ACAP2: variants seen among roughly 807,000 people sequenced by gnomAD.
The protein encoded by ACAP2 is ArfGAP with coiled-coil, ankyrin repeat and PH domains 2.
A neutral mutation model predicts 115.8 loss-of-function variants in ACAP2; 39 were observed. That is an observed-to-expected ratio of 0.34 (90% confidence interval 0.26 to 0.44). The LOEUF (loss-of-function observed/expected upper bound fraction) is 0.44. Ranked by LOEUF, ACAP2 falls within the 20% of genes least tolerant of loss-of-function variation. ACAP2 has a pLI of 1.00. For synonymous variants in ACAP2, 289 were observed against 315.8 expected (o/e 0.92, Z 0.90); for missense variants, 662 against 927.6 (o/e 0.71, Z 3.72).
At chr3:195,409,089 G>A (rs756480899) in intron 1 of ACAP2, among the ~76,000 whole-genome samples, 47 of 146,262 alleles carry the variant, frequency 3.2e-4, no homozygotes, top group Admixed American at 6.1e-4. Flanking sequence ...AGTCAGAGTC[G>A]CTAGGCAAGA....
At chr3:195,437,907 A>G (rs976475628) in intron 1 of ACAP2, among the ~76,000 whole-genome samples, 1 of 57,662 alleles carries the variant, frequency 1.7e-5, no homozygotes, top group Non-Finnish European at 3.2e-5. Flanking sequence ...TTTTTTTTTC[A>G]TTAAAATTAG....
chr3:195,396,839 T>G (rs1403645797), intron 1 of ACAP2, among the ~76,000 whole-genome samples: 1 of 150,152 alleles, frequency 6.7e-6, no homozygotes, highest in Non-Finnish European at 1.5e-5. Flanking sequence ...AATAATTATT[T>G]TTCCCATCCA....
At chr3:195,400,129 G>C (rs963630478) in intron 1 of ACAP2, among the ~76,000 whole-genome samples, 1 of 151,346 alleles carries the variant, frequency 6.6e-6, no homozygotes, top group Non-Finnish European at 1.5e-5. Context: ...GGTGAGCCAA[G>C]ATCGCACCAT....
intron 1 of ACAP2, among the ~76,000 whole-genome samples, chr3:195,440,222 G>A (rs1461961157): frequency 6.6e-6 from 1 of 151,816 alleles, no homozygotes; most frequent in Non-Finnish European, 1.5e-5. Flanking sequence ...ATTATACAAC[G>A]AAATGTGCCC....
At chr3:195,301,869 T>TCCCC in intron 14 of ACAP2, 97 bp downstream of exon 14, 1 of 1,381,630 alleles carries the variant, frequency 7.2e-7, no homozygotes, top group Non-Finnish European at 1.0e-6. Context: ...GGTGATTAAA[T>TCCCC]TAGGGAAGTG....
intron 1 of ACAP2, among the ~76,000 whole-genome samples, chr3:195,434,272 A>G (rs1214362758): frequency 2.0e-5 from 3 of 151,596 alleles, no homozygotes; most frequent in Non-Finnish European, 2.9e-5. Context: ...TTGCTCTGTC[A>G]CCCAGGCTGG....
At chr3:195,420,158 A>G (rs1714061040) in intron 1 of ACAP2, among the ~76,000 whole-genome samples, 1 of 152,100 alleles carries the variant, frequency 6.6e-6, no homozygotes, top group African/African-American at 2.4e-5. Flanking sequence ...TAAATTATGA[A>G]GTCCTATAAA....
At chr3:195,407,979 T>C (rs538232027) in intron 1 of ACAP2, among the ~76,000 whole-genome samples, 3 of 152,286 alleles carry the variant, frequency 2.0e-5, no homozygotes, top group African/African-American at 7.2e-5. Flanking sequence ...GGGACATTAT[T>C]ACCAATTCCA....
intron 10 of ACAP2, among the ~76,000 whole-genome samples, chr3:195,319,840 A>AT (rs2109025770): frequency 6.6e-6 from 1 of 152,292 alleles, no homozygotes; most frequent in South Asian, 2.1e-4. Context: ...GTCCTGATTG[A>AT]TTTTGAAATG....
At chr3:195,370,951 TCAAA>T (rs768517860) in intron 4 of ACAP2, among the ~76,000 whole-genome samples, 1 of 97,830 alleles carries the variant, frequency 1.0e-5, no homozygotes. Context: ...AAACTCTGTC[TCAAA>T]AAAAAAAAAA....
rs572478100 is a variant in ACAP2 at position 195,327,027 on chromosome 3, C to A, written c.670-68G>T. The A allele has an allele frequency of 8.9e-4, 1,181 of 1,326,196 alleles. 2 individuals are homozygous for A. Among genetic ancestry groups the A allele is most frequent in the Non-Finnish European group, 1.2e-3 (1,115 of 944,126 alleles). The allele number at this position is 1,326,196 out of a possible 1,614,324, so 82.2% of individuals were successfully genotyped here. A position where few individuals can be genotyped will look rare whatever the true frequency, so the allele number is the denominator to read the frequency against. On this transcript the variant is annotated intron_variant, in intron 8 of 22. Transcript: ENST00000326793. ...ATGGATTAGTTTTTCAAACCATATT[C>A]CAAATCATTTCACAGATAAATAAAA...
At chr3:195,360,804 A>T (rs998218438) in intron 4 of ACAP2, among the ~76,000 whole-genome samples, 1 of 151,880 alleles carries the variant, frequency 6.6e-6, no homozygotes, top group Non-Finnish European at 1.5e-5. Context: ...TCTCAAAAAA[A>T]TAAAAAAAAA....
At chr3:195,291,382 T>G (rs1333450711) in intron 20 of ACAP2, among the ~76,000 whole-genome samples, 1 of 152,232 alleles carries the variant, frequency 6.6e-6, no homozygotes, top group Non-Finnish European at 1.5e-5. Flanking sequence ...TATATGTACA[T>G]ACATACATAA....
At chr3:195,302,227 T>G (rs2108966128) in intron 13 of ACAP2, 53 bp from the exon 14 acceptor site, 1 of 1,500,408 alleles carries the variant, frequency 6.7e-7, no homozygotes, top group East Asian at 2.3e-5. Context: ...TTGAAATACT[T>G]TGTTGCACAC....
intron 9 of ACAP2, chr3:195,325,472 G>C (rs2108612295): frequency 2.4e-6 from 1 of 421,276 alleles, no homozygotes; most frequent in Non-Finnish European, 4.6e-6. Context: ...TCAGCATTTA[G>C]GGGCAGAAAA....
chr3:195,370,172 T>C (rs2108725350), intron 4 of ACAP2, among the ~76,000 whole-genome samples: 1 of 152,342 alleles, frequency 6.6e-6, no homozygotes, highest in African/African-American at 2.4e-5. Flanking sequence ...GATGAGTAGT[T>C]TGCAAATATT....
intron 20 of ACAP2, among the ~76,000 whole-genome samples, chr3:195,290,965 G>C: frequency 6.6e-6 from 1 of 152,068 alleles, no homozygotes; most frequent in East Asian, 1.9e-4. Context: ...AGTGAGCTAT[G>C]ATTGCACCAG....
rs1460959737 is a variant in ACAP2, at chr3:195,278,120, C to T, written c.*1208G>A. 1 of 150,156 alleles carries T rather than the reference C, an allele frequency of 6.7e-6. No homozygotes were observed. Among genetic ancestry groups the T allele is most frequent in the African/African-American group, 2.4e-5 (1 of 40,826 alleles). 9.3% of individuals were successfully genotyped at this position (150,156 alleles called of 1,614,324 possible). A position where few individuals can be genotyped will look rare whatever the true frequency, so the allele number is the denominator to read the frequency against. ...AAAAAAGCAAATTAATTATTTTATA[C>T]TTTAAGACATTTTCAAAGATGGAAT... On this transcript the variant is annotated 3_prime_UTR_variant, in exon 23 of 23. Transcript: ENST00000326793.
chr3:195,304,483 T>C (rs576039720), intron 13 of ACAP2, among the ~76,000 whole-genome samples: 1 of 152,286 alleles, frequency 6.6e-6, no homozygotes, highest in East Asian at 1.9e-4. Flanking sequence ...AATGATTGTT[T>C]AAGCAGGACA....
Sources: allele counts gnomAD v4.1 joint callset (sites outside exome capture counted in the v4.1 genomes callset), GRCh38; gene constraint gnomAD v4.1.1; transcripts MANE v1.5; gene names NCBI Gene and HGNC (gene_info 2026-07-23, HGNC 2026-07-21).